The following NRG1 variants were observed in gnomAD, a reference collection of about 807,000 sequenced individuals.
NRG1 encodes pro-neuregulin-1, membrane-bound isoform.
A neutral mutation model predicts 63.8 loss-of-function variants in NRG1; 18 were observed. The observed-to-expected ratio is 0.28, with a 90% confidence interval of 0.19 to 0.42. NRG1 has a LOEUF of 0.42. Among genes scored for constraint, NRG1 ranks in the 10% least tolerant of loss-of-function variants. NRG1 has a pLI of 1.00. For missense variants in NRG1, 762 were observed against 814.7 expected (o/e 0.94, Z 0.79); for synonymous variants, 302 against 301.3 (o/e 1.00, Z -0.02).
At chr8:32,586,940 C>T (rs1841723465) in intron 1 of NRG1, among the ~76,000 whole-genome samples, 1 of 152,150 alleles carries the variant, frequency 6.6e-6, no homozygotes, top group South Asian at 2.1e-4. Context: ...TGGTGGCTGA[C>T]ACTTATAATC....
intron 1 of NRG1, among the ~76,000 whole-genome samples, chr8:31,948,934 G>T (rs547004864): frequency 7.9e-5 from 12 of 152,280 alleles, no homozygotes; most frequent in Admixed American, 7.2e-4. Flanking sequence ...AGAATGCGCT[G>T]TGTATATTTT....
rs189549042 is a variant in NRG1, at chr8:32,637,681, A to G, written c.502+20796A>G. On this transcript the variant is annotated intron_variant, in intron 5 of 11. Coordinates refer to ENST00000356819, the Ensembl canonical transcript of NRG1. ...CTATCCTCTGTAGTTTCTTTATTCT[A>G]TACTTTCCTATGTAAGCAATAAAGC... 3.2e-3 allele frequency among the ~76,000 whole-genome samples: 482 copies of G among 152,114 alleles called. 4 individuals are homozygous for G. Among genetic ancestry groups the G allele is most frequent in the Admixed American group, 7.3e-3 (111 of 15,270 alleles).
At chr8:32,265,172 G>GA (rs1850786356) in intron 1 of NRG1, among the ~76,000 whole-genome samples, 1 of 151,902 alleles carries the variant, frequency 6.6e-6, no homozygotes, top group Non-Finnish European at 1.5e-5. Context: ...CCTCTCTACA[G>GA]AAAAAATTTT....
chr8:31,797,061 G>T (rs566680651), intron 1 of NRG1, among the ~76,000 whole-genome samples: 1 of 152,156 alleles, frequency 6.6e-6, no homozygotes, highest in South Asian at 2.1e-4. Context: ...AGTGGAATCA[G>T]CCTGAGTTCT....
chr8:31,926,161 A>T (rs1834342549), intron 1 of NRG1, among the ~76,000 whole-genome samples: 1 of 152,174 alleles, frequency 6.6e-6, no homozygotes, highest in South Asian at 2.1e-4. Context: ...TATTCCTGTC[A>T]TTCTGACAGC....
At chr8:32,296,243 C>A (rs530506580) in intron 1 of NRG1, among the ~76,000 whole-genome samples, 115 of 152,132 alleles carry the variant, frequency 7.6e-4, no homozygotes, top group South Asian at 2.3e-3. Context: ...ATATTAATTT[C>A]TCCTATGAAA....
chr8:32,186,364 G>A (rs956308789), intron 1 of NRG1, among the ~76,000 whole-genome samples: 2 of 151,776 alleles, frequency 1.3e-5, no homozygotes, highest in Admixed American at 6.6e-5. Flanking sequence ...AGGAGGCTGA[G>A]GCAGGAGAAT....
chr8:31,910,166 T>C (rs1329461373), intron 1 of NRG1, among the ~76,000 whole-genome samples: 1 of 152,188 alleles, frequency 6.6e-6, no homozygotes, highest in Non-Finnish European at 1.5e-5. Context: ...AGGATGACGA[T>C]GACACATAGG....
chr8:32,104,947 C>T (rs994095835), intron 1 of NRG1, among the ~76,000 whole-genome samples: 2 of 151,324 alleles, frequency 1.3e-5, no homozygotes, highest in Non-Finnish European at 2.9e-5. Context: ...AGAAGCAGTA[C>T]ACTCTAAAAT....
intron 5 of NRG1, among the ~76,000 whole-genome samples, chr8:32,667,941 G>A (rs1468380775): frequency 2.0e-5 from 3 of 152,084 alleles, no homozygotes; most frequent in East Asian, 1.9e-4. Context: ...GGCCTGGCAC[G>A]GTGACTCACA....
intron 1 of NRG1, among the ~76,000 whole-genome samples, chr8:31,724,945 A>T (rs1813277177): frequency 6.6e-6 from 1 of 152,218 alleles, no homozygotes; most frequent in African/African-American, 2.4e-5. Context: ...CAACTCTGCC[A>T]TTGTAGTGTG....
chr8:32,333,250 CT>C (rs1802862875), intron 1 of NRG1, among the ~76,000 whole-genome samples: 1 of 152,172 alleles, frequency 6.6e-6, no homozygotes, highest in Non-Finnish European at 1.5e-5. Flanking sequence ...TAAATGTACT[CT>C]TTTAGATGTT....
At chr8:32,468,272 T>G (rs1823324847) in intron 1 of NRG1, among the ~76,000 whole-genome samples, 1 of 152,202 alleles carries the variant, frequency 6.6e-6, no homozygotes, top group Non-Finnish European at 1.5e-5. Context: ...CGATTAATCT[T>G]ACTTTTCCTC....
At chr8:32,103,767 C>T (rs2126613) in intron 1 of NRG1, among the ~76,000 whole-genome samples, 63,394 of 151,778 alleles carry the variant, frequency 0.42, 14,384 homozygotes, top group Admixed American at 0.5. Flanking sequence ...TGTTTTGAGA[C>T]CTAAGTCTCA....
intron 9 of NRG1, among the ~76,000 whole-genome samples, chr8:32,758,334 T>C (rs966158059): frequency 2.0e-5 from 3 of 151,938 alleles, no homozygotes; most frequent in African/African-American, 4.8e-5. Context: ...GCCAGCACTT[T>C]GGGAGGCAGA....
intron 1 of NRG1, among the ~76,000 whole-genome samples, chr8:31,814,572 A>C (rs1231984768): frequency 6.6e-6 from 1 of 151,886 alleles, no homozygotes; most frequent in Non-Finnish European, 1.5e-5. Flanking sequence ...AAACATTGTG[A>C]TTGTTCACTG....
chr8:31,788,876 T>C (rs541472638), intron 1 of NRG1, among the ~76,000 whole-genome samples: 1 of 152,320 alleles, frequency 6.6e-6, no homozygotes, highest in South Asian at 2.1e-4. Flanking sequence ...AGACAATCTG[T>C]CTCTTATAGT....
At chr8:32,409,059 A>G (rs974936455) in intron 1 of NRG1, among the ~76,000 whole-genome samples, 8 of 152,186 alleles carry the variant, frequency 5.3e-5, no homozygotes, top group African/African-American at 1.9e-4. Context: ...TTGCTGCAAA[A>G]GACATGAATT....
At position 31,936,015 on chromosome 8, in the gene NRG1, T is replaced by C. The variant is rs113458944; in HGVS notation, c.37+296584T>C. Among the ~76,000 whole-genome samples the C allele has an allele frequency of 4.2e-3, 636 of 151,474 alleles. 3 individuals carry two copies. Among genetic ancestry groups the C allele is most frequent in the Non-Finnish European group, 7.3e-3 (496 of 67,866 alleles). On this transcript the variant is annotated intron_variant, in intron 1 of 10. Coordinates refer to the NRG1 transcript ENST00000519301. ...TAAGTGAGCAGGAAACACAGAGAAA[T>C]GGTGAAGAGGAGGAAAGAATGGCCA...
Sources: allele counts gnomAD v4.1 joint callset (sites outside exome capture counted in the v4.1 genomes callset), GRCh38; gene constraint gnomAD v4.1.1; transcripts MANE v1.5; gene names NCBI Gene and HGNC (gene_info 2026-07-23, HGNC 2026-07-21).